MTCL1: variants seen among roughly 807,000 people sequenced by gnomAD.
MTCL1 encodes the protein microtubule cross-linking factor 1.
Under a neutral mutation model 141.4 loss-of-function variants are expected in MTCL1, and 79 were observed. The observed-to-expected ratio is 0.56, with a 90% confidence interval of 0.47 to 0.67. MTCL1 has a LOEUF of 0.67. MTCL1 is among the 30% of genes least tolerant of loss of function. The pLI is 0.00. For missense variants in MTCL1, 2,177 were observed against 2,113.9 expected (o/e 1.03, Z -0.59); for synonymous variants, 914 against 875.8 (o/e 1.04, Z -0.77).
At chr18:8,813,129 GAGA>G (rs1568086142) in exon 12 of MTCL1, 1 of 1,614,194 alleles carries the variant, frequency 6.2e-7, no homozygotes, top group East Asian at 2.2e-5. Flanking sequence ...CCATCACAGC[GAGA>G]AGAACTGGAA....
chr18:8,793,078 G>A, exon 8 of MTCL1: 1 of 1,614,150 alleles, frequency 6.2e-7, no homozygotes, highest in African/African-American at 1.3e-5. Context: ...CGGCCAGACT[G>A]CATCAAGAGG....
In MTCL1 at chr18:8,830,372, C is replaced by T; in HGVS notation, c.*19-1235C>T. 1 of 985,570 alleles carries T rather than the reference C, an allele frequency of 1.0e-6. No homozygotes were observed. Among genetic ancestry groups the T allele is most frequent in the African/African-American group, 1.7e-5 (1 of 57,368 alleles). 61.1% of individuals were successfully genotyped at this position (985,570 alleles called of 1,614,324 possible). On this transcript the variant is annotated intron_variant, in intron 16 of 16. Coordinates refer to ENST00000359865, the Ensembl canonical transcript of MTCL1. The surrounding 1 kb of genome is among the most constrained non-coding windows in gnomAD (Gnocchi z 6.4). ...AGTCTCCAGGGCCACTGTTCCTTTT[C>T]TGCTGACCCCAGAGGGAGGCAGGGA...
At chr18:8,728,960 T>G (rs775732028) in intron 4 of MTCL1, among the ~76,000 whole-genome samples, 5 of 152,060 alleles carry the variant, frequency 3.3e-5, no homozygotes, top group Admixed American at 6.5e-5. Flanking sequence ...GGTCTCAAAC[T>G]CCTGACCTCA....
At chr18:8,717,797 C>T (rs1255464448) in intron 1 of MTCL1, 1 of 646,160 alleles carries the variant, frequency 1.5e-6, no homozygotes, top group Non-Finnish European at 1.9e-6. Flanking sequence ...GGGTGCATTC[C>T]TGTGGACAGC....
rs72942349 is a variant in MTCL1, at chr18:8,828,545, A to G, written c.4723-363A>G. 1.4e-3 allele frequency among the ~76,000 whole-genome samples: 209 copies of G among 152,342 alleles called. No homozygotes were observed. The highest frequency in any genetic ancestry group is 2.2e-3 in the Non-Finnish European group (151 of 68,026). ...ATAGTCTCTGTTTTAGATACCAGTC[A>G]TGCAATTTCCATATCTCTGTTTGCC... On this transcript the variant is annotated intron_variant, in intron 15 of 16. Transcript: ENST00000359865. This position sits in a 1 kb window ranked among gnomAD's most constrained non-coding sequence, Gnocchi z 5.2.
chr18:8,729,157 G>A (rs577243249), intron 4 of MTCL1, among the ~76,000 whole-genome samples: 2 of 151,748 alleles, frequency 1.3e-5, no homozygotes, highest in South Asian at 2.1e-4. Flanking sequence ...CAGTCCTCTC[G>A]CCTAAGCACT....
exon 6 of MTCL1, chr18:8,784,429 A>C (rs778164442): frequency 2.6e-6 from 4 of 1,529,744 alleles, no homozygotes; most frequent in Non-Finnish European, 3.5e-6. Context: ...CCAGCGAGCC[A>C]TGCCCCACGG....
At chr18:8,705,570 G>C (rs2096055979), upstream of MTCL1, 1 of 769,096 alleles carries the variant, frequency 1.3e-6, no homozygotes, top group Non-Finnish European at 1.7e-6. This position sits in a 1 kb window ranked among gnomAD's most constrained non-coding sequence, Gnocchi z 5.2. Context: ...ATGAGAGAGC[G>C]CGCGGGGAGG....
chr18:8,715,955 A>C (rs1598370043), upstream of MTCL1, among the ~76,000 whole-genome samples: 1 of 152,194 alleles, frequency 6.6e-6, no homozygotes, highest in African/African-American at 2.4e-5. Flanking sequence ...CATTCTGTTT[A>C]TGTGTGTTCA....
intron 11 of MTCL1, among the ~76,000 whole-genome samples, chr18:8,812,193 T>C (rs2076509675): frequency 6.6e-6 from 1 of 152,258 alleles, no homozygotes; most frequent in South Asian, 2.1e-4. Flanking sequence ...ATTTTCTGTA[T>C]AGATCAAAGT....
chr18:8,706,079 C>G, exon 1 of MTCL1: 6 of 1,201,200 alleles, frequency 5.0e-6, no homozygotes, highest in Non-Finnish European at 6.2e-6. Flanking sequence ...CCCGCGGAGC[C>G]GCTGTCCCGG....
chr18:8,768,571 G>T (rs533165839), intron 4 of MTCL1, among the ~76,000 whole-genome samples: 2 of 152,250 alleles, frequency 1.3e-5, no homozygotes, highest in East Asian at 3.9e-4. Flanking sequence ...CACATTACAT[G>T]CATCTGAAAA....
intron 4 of MTCL1, among the ~76,000 whole-genome samples, chr18:8,763,666 A>G (rs1349739345): frequency 6.6e-6 from 1 of 152,222 alleles, no homozygotes; most frequent in African/African-American, 2.4e-5. Flanking sequence ...TTTGATTTTA[A>G]TATGTTGACA....
chr18:8,820,690 G>T (rs937419738), intron 13 of MTCL1, among the ~76,000 whole-genome samples: 1 of 152,188 alleles, frequency 6.6e-6, no homozygotes, highest in Non-Finnish European at 1.5e-5. Context: ...GTGGGGTGGG[G>T]TCAGGAGCCT....
intron 6 of MTCL1, among the ~76,000 whole-genome samples, chr18:8,785,519 C>G (rs1044182474): frequency 1.3e-5 from 2 of 152,232 alleles, no homozygotes; most frequent in Non-Finnish European, 2.9e-5. Context: ...CCAGCTGCCG[C>G]CCTGGACTGT....
intron 7 of MTCL1, 26 bp downstream of exon 6, chr18:8,786,117 C>CCCA (rs1555656001): frequency 7.2e-7 from 1 of 1,394,762 alleles, no homozygotes. Flanking sequence ...CAATCCCCCC[C>CCCA]CCCCGCCCTC....
rs535489490 is a variant in MTCL1 at position 8,770,083 on chromosome 18, A to G, written c.358-7750A>G. Among the ~76,000 whole-genome samples the G allele has an allele frequency of 1.6e-4, 24 of 152,294 alleles. No homozygotes were observed. The South Asian group carries it at 4.8e-3, about 30-fold the overall frequency. On this transcript the variant is annotated intron_variant, in intron 4 of 16. Coordinates refer to ENST00000359865, the Ensembl canonical transcript of MTCL1. ...TAAGAAACCAGAAAACAGCCCAAAT[A>G]TGGGCGATTGGGCTATGAGAGTCCT...
chr18:8,791,117 G>T (rs1008554127), intron 7 of MTCL1, among the ~76,000 whole-genome samples: 2 of 152,204 alleles, frequency 1.3e-5, no homozygotes, highest in Non-Finnish European at 2.9e-5. Flanking sequence ...GGGAGCCTTG[G>T]GTTTCAGCAG....
chr18:8,824,816 T>G, exon 15 of MTCL1: 10 of 1,614,092 alleles, frequency 6.2e-6, no homozygotes, highest in African/African-American at 1.3e-5. Flanking sequence ...CACCCCTGTC[T>G]CCAGACGACC....
Sources: allele counts gnomAD v4.1 joint callset (sites outside exome capture counted in the v4.1 genomes callset), GRCh38; gene constraint gnomAD v4.1.1; non-coding constraint Gnocchi (gnomAD v3.1); transcripts MANE v1.5; gene names NCBI Gene and HGNC (gene_info 2026-07-23, HGNC 2026-07-21).